CASD1: variants seen among roughly 807,000 people sequenced by gnomAD.
CASD1 encodes the protein CAS1 domain sialic acid O acetyltransferase 1, also known as N-acetylneuraminate (7)9-O-acetyltransferase.
Under a neutral mutation model 100.0 loss-of-function variants are expected in CASD1, and 41 were observed. The ratio of observed to expected loss-of-function variants is 0.41; its 90% CI spans 0.32 to 0.53. CASD1 has a LOEUF of 0.53. Ranked by LOEUF, CASD1 falls within the 20% of genes least tolerant of loss-of-function variation. The pLI, the probability that CASD1 is intolerant of heterozygous loss-of-function variation, is 0.25. For synonymous variants in CASD1, 321 were observed against 315.6 expected (o/e 1.02, Z -0.18); for missense variants, 774 against 948.7 (o/e 0.82, Z 2.42).
At chr7:94,634,084 T>C in the CASD1 span, among the ~76,000 whole-genome samples, 7 of 152,290 alleles carry the variant, frequency 4.6e-5, no homozygotes, top group Non-Finnish European at 7.4e-5. Context: ...TTGTCAATAT[T>C]TATGTCCGGG....
At position 94,545,655 on chromosome 7, in the gene CASD1, T is replaced by C. The variant is rs1380598611; in HGVS notation, c.1587T>C (p.Tyr529=). ...TCACTGTATGGTTCATGGTCATATA[T>C]GTTACTTTAGCACTATGGCCACAAA... ...PLVTVWFMVI[Y]VTLALWPQII... Residue 529 remains tyrosine (Y), a synonymous_variant, in exon 12 of 18, where the codon TAT becomes TAC. Transcript: ENST00000297273. 6 of 1,609,994 alleles carry C rather than the reference T, an allele frequency of 3.7e-6. No homozygotes were observed. In the South Asian group the frequency reaches 4.4e-5, roughly 12 times the overall value.
chr7:94,538,939 T>C lies in CASD1; in HGVS notation c.1267-28T>C, dbSNP rs112133275. 41 of 1,228,472 alleles carry C rather than the reference T, an allele frequency of 3.3e-5. No individual in the cohort carries two copies. In the African/African-American group the frequency reaches 4.9e-4, roughly 15 times the overall value. 76.1% of individuals were successfully genotyped at this position (1,228,472 alleles called of 1,614,324 possible). ...TAAATAATTTCTTCATGATAAATTT[T>C]AAAACAGATTTTGGTTCCTTTACAC... On this transcript the variant is annotated intron_variant, in intron 9 of 17. Coordinates refer to ENST00000297273, the MANE Select transcript of CASD1 (RefSeq NM_022900.5).
chr7:94,613,623 C>G, the CASD1 span, among the ~76,000 whole-genome samples: 20,437 of 152,064 alleles, frequency 0.13, 1,534 homozygotes, highest in South Asian at 0.25. Flanking sequence ...GAGGCCTTTA[C>G]ATTTATAATG....
chr7:94,516,882 G>A (rs904795046), intron 1 of CASD1, among the ~76,000 whole-genome samples: 3 of 151,680 alleles, frequency 2.0e-5, no homozygotes, highest in African/African-American at 7.3e-5. Flanking sequence ...TTCCAAAGTC[G>A]TGTCTTTTAT....
chr7:94,585,606 G>T, the CASD1 span: 2 of 837,390 alleles, frequency 2.4e-6, no homozygotes. Context: ...CAAGGAGAAA[G>T]TTTCCATCTT....
chr7:94,563,584 T>C, the CASD1 span, among the ~76,000 whole-genome samples: 1 of 151,262 alleles, frequency 6.6e-6, no homozygotes, highest in East Asian at 2.0e-4. Context: ...AGTTGCCAGT[T>C]GTCTTCTGTT....
intron 3 of CASD1, among the ~76,000 whole-genome samples, chr7:94,521,910 C>G (rs1794299236): frequency 6.6e-6 from 1 of 152,056 alleles, no homozygotes; most frequent in East Asian, 1.9e-4. Context: ...ACGGTGAAAC[C>G]CTGTCTCTAC....
the CASD1 span, chr7:94,587,850 C>T: frequency 6.5e-7 from 1 of 1,527,124 alleles, no homozygotes; most frequent in South Asian, 1.3e-5. Flanking sequence ...AAGATAATTT[C>T]TGAATGAAAA....
chr7:94,580,714 A>G, the CASD1 span, among the ~76,000 whole-genome samples: 5 of 152,248 alleles, frequency 3.3e-5, no homozygotes, highest in Non-Finnish European at 7.3e-5. Context: ...CTGCAAAGCC[A>G]CCAATTATTT....
chr7:94,587,171 A>G, the CASD1 span: 1 of 984,826 alleles, frequency 1.0e-6, no homozygotes, highest in South Asian at 4.7e-5. Flanking sequence ...ATATTTGTTT[A>G]GGCATAAATT....
chr7:94,547,135 G>T lies in CASD1; in HGVS notation c.1673G>T (p.Gly558Val). ...CATTTTGGCTTACTGTTGAAACTAGGCTTTTTGCTGTTATTCATATGTTTT... is the reference window on the plus strand; with the variant it reads ...CATTTTGGCTTACTGTTGAAACTAGTCTTTTTGCTGTTATTCATATGTTTT... ...FWHFGLLLKL[G>V]FLLLFICFLA... The change falls in exon 13 of 18, where the codon GGC (glycine) becomes GTC (valine). Residue 558 changes from glycine (G) to valine (V), a missense_variant. Gly to Val is a moderately radical substitution (Grantham distance 109, BLOSUM62 -3). Around this residue, in one of 5 missense-constraint regions of CASD1, gnomAD observed 453 missense variants for 532.6 expected, o/e 0.85. Coordinates refer to ENST00000297273, the MANE Select transcript of CASD1 (RefSeq NM_022900.5). The T allele has an allele frequency of 6.3e-7, 1 of 1,592,128 alleles. No homozygotes were observed. Among genetic ancestry groups the T allele is most frequent in the Non-Finnish European group, 8.6e-7 (1 of 1,168,678 alleles).
chr7:94,570,274 G>A, the CASD1 span, among the ~76,000 whole-genome samples: 16 of 152,028 alleles, frequency 1.1e-4, no homozygotes, highest in African/African-American at 3.6e-4. Flanking sequence ...GTAGTGAAAG[G>A]TTTTGATTCC....
chr7:94,531,908 A>C (rs912228570), intron 5 of CASD1, among the ~76,000 whole-genome samples: 55 of 152,032 alleles, frequency 3.6e-4, no homozygotes, highest in African/African-American at 1.3e-3. Context: ...AGCCATTCTG[A>C]GTCTGTATCT....
At chr7:94,536,309 A>G (rs1233199163) in intron 8 of CASD1, among the ~76,000 whole-genome samples, 3 of 152,222 alleles carry the variant, frequency 2.0e-5, no homozygotes, top group Non-Finnish European at 2.9e-5. Flanking sequence ...CAGAGTACAT[A>G]CTGAACAAAT....
the CASD1 span, among the ~76,000 whole-genome samples, chr7:94,593,993 A>G: frequency 2.0e-5 from 3 of 152,128 alleles, no homozygotes; most frequent in Non-Finnish European, 4.4e-5. Flanking sequence ...TCAGAGCCCC[A>G]GAATGTGTAC....
At chr7:94,544,298 G>T in intron 10 of CASD1, 113 bp from the exon 11 acceptor site, 1 of 1,286,756 alleles carries the variant, frequency 7.8e-7, no homozygotes, top group Non-Finnish European at 1.1e-6. Flanking sequence ...TTGTGATTGA[G>T]CTGATGCCAA....
the CASD1 span, among the ~76,000 whole-genome samples, chr7:94,575,221 T>C: frequency 1.3e-5 from 2 of 152,214 alleles, no homozygotes; most frequent in Non-Finnish European, 2.9e-5. Flanking sequence ...GCCTTAGCTG[T>C]GTCTCAGAGA....
the CASD1 span, among the ~76,000 whole-genome samples, chr7:94,580,402 G>A: frequency 6.6e-6 from 1 of 151,802 alleles, no homozygotes; most frequent in South Asian, 2.1e-4. Context: ...CTTCCAAAAG[G>A]GCTTAAATAA....
the CASD1 span, among the ~76,000 whole-genome samples, chr7:94,585,883 GA>G: frequency 1.1e-4 from 17 of 151,888 alleles, no homozygotes; most frequent in African/African-American, 4.1e-4. Context: ...GAGAAAATGA[GA>G]AAACCTGAAG....
Sources: allele counts gnomAD v4.1 joint callset (sites outside exome capture counted in the v4.1 genomes callset), GRCh38; gene constraint gnomAD v4.1.1; regional missense constraint gnomAD v4.1.1; transcripts MANE v1.5; gene names NCBI Gene and HGNC (gene_info 2026-07-23, HGNC 2026-07-21).